Variants in NBEA observed in about 807,000 individuals in gnomAD.
The protein encoded by NBEA is lysosomal-trafficking regulator 2.
Under a neutral mutation model 343.4 loss-of-function variants are expected in NBEA, and 44 were observed. That is an observed-to-expected ratio of 0.13 (90% CI 0.10 to 0.16). The LOEUF is 0.16. NBEA is among the 10% of genes least tolerant of loss of function. The pLI, the probability that NBEA is intolerant of heterozygous loss-of-function variation, is 1.00. For missense variants in NBEA, 2,555 were observed against 3,631.3 expected, an observed-to-expected ratio of 0.70 and a Z score of 7.62; for synonymous variants, 1,175 against 1,238.7, an observed-to-expected ratio of 0.95 and a Z score of 1.08.
chr13:35,193,819 A>C (rs1365324724), intron 30 of NBEA, among the ~76,000 whole-genome samples: 1 of 151,930 alleles, frequency 6.6e-6, no homozygotes, highest in African/African-American at 2.4e-5. Flanking sequence ...TCTTTGACCA[A>C]ACTAACAAAT....
chr13:35,173,122 T>TA (rs5802752), intron 26 of NBEA, among the ~76,000 whole-genome samples: 139,422 of 152,100 alleles, frequency 0.92, 64,034 homozygotes, highest in Admixed American at 0.96. Context: ...ATTTTATGTT[T>TA]AAAATATTTT....
At chr13:35,031,139 C>A (rs1465310944) in intron 1 of NBEA, among the ~76,000 whole-genome samples, 2 of 151,632 alleles carry the variant, frequency 1.3e-5, no homozygotes, top group African/African-American at 4.8e-5. Context: ...TAGGCATAAA[C>A]CTCATTATCG....
intron 36 of NBEA, among the ~76,000 whole-genome samples, chr13:35,322,370 T>G (rs563328178): frequency 6.5e-4 from 99 of 152,308 alleles, no homozygotes; most frequent in South Asian, 3.9e-3. Context: ...TGACCCCTTG[T>G]GCTTCCCAGG....
At chr13:35,531,917 G>A (rs2078282844) in intron 41 of NBEA, among the ~76,000 whole-genome samples, 1 of 152,108 alleles carries the variant, frequency 6.6e-6, no homozygotes, top group Non-Finnish European at 1.5e-5. Flanking sequence ...TTTGCCATAT[G>A]TAAAAGCAAA....
intron 10 of NBEA, among the ~76,000 whole-genome samples, chr13:35,086,908 T>C (rs188156300): frequency 1.9e-4 from 29 of 152,030 alleles, no homozygotes; most frequent in Non-Finnish European, 2.8e-4. Flanking sequence ...TCATGTTGAA[T>C]ATTTTTTCAT....
intron 40 of NBEA, among the ~76,000 whole-genome samples, chr13:35,460,236 C>T (rs1199185058): frequency 6.6e-6 from 1 of 152,188 alleles, no homozygotes; most frequent in Admixed American, 6.5e-5. Flanking sequence ...GTCCCTGACT[C>T]ACTCACACTT....
At chr13:35,375,480 T>A (rs1323950465) in intron 38 of NBEA, among the ~76,000 whole-genome samples, 2 of 152,120 alleles carry the variant, frequency 1.3e-5, no homozygotes, top group African/African-American at 4.8e-5. Flanking sequence ...AATAATATTA[T>A]ATCAATCCTC....
At chr13:34,967,756 G>A (rs1460194589) in intron 1 of NBEA, among the ~76,000 whole-genome samples, 2 of 152,042 alleles carry the variant, frequency 1.3e-5, no homozygotes, top group Non-Finnish European at 2.9e-5. Context: ...TGGAAAGGCA[G>A]CCATGTAAAT....
At chr13:35,340,132 T>G (rs189113447) in intron 36 of NBEA, among the ~76,000 whole-genome samples, 21 of 152,224 alleles carry the variant, frequency 1.4e-4, no homozygotes, top group Admixed American at 1.2e-3. Flanking sequence ...CTGCTTATGT[T>G]GCCAAAAGAT....
At chr13:35,253,432 A>G (rs1269808535) in intron 34 of NBEA, among the ~76,000 whole-genome samples, 4 of 152,236 alleles carry the variant, frequency 2.6e-5, no homozygotes, top group Non-Finnish European at 4.4e-5. Flanking sequence ...AGTAGATTAT[A>G]GTATAGTGTA....
At position 35,459,520 on chromosome 13, in the gene NBEA, G is replaced by A. The variant is rs9565303; in HGVS notation, c.6448+7285G>A. Reference sequence around the variant, plus strand: ...AAAAAAAAAGTCCTCAAGAGAATTAGCTCTGCTACCACTACCTCTGGGTAA... The same window carrying A: ...AAAAAAAAAGTCCTCAAGAGAATTAACTCTGCTACCACTACCTCTGGGTAA... On this transcript the variant is annotated intron_variant, in intron 40 of 58. Transcript: ENST00000379939. Among the ~76,000 whole-genome samples the A allele has an allele frequency of 3.3e-5, 5 of 151,646 alleles. No homozygotes were observed. In the East Asian group the frequency reaches 9.7e-4, roughly 29 times the overall value.
intron 36 of NBEA, among the ~76,000 whole-genome samples, chr13:35,310,933 A>G (rs533499155): frequency 2.6e-5 from 4 of 152,190 alleles, no homozygotes; most frequent in Non-Finnish European, 4.4e-5. Context: ...TTCATTTTTT[A>G]TCACTGTATT....
At chr13:35,057,500 A>G (rs1281021842) in intron 7 of NBEA, among the ~76,000 whole-genome samples, 1 of 152,178 alleles carries the variant, frequency 6.6e-6, no homozygotes, top group Admixed American at 6.6e-5. Context: ...CAGGTGTGGC[A>G]GGCAAAGTTT....
intron 41 of NBEA, among the ~76,000 whole-genome samples, chr13:35,478,736 G>T (rs902655001): frequency 8.5e-5 from 13 of 152,220 alleles, no homozygotes; most frequent in Non-Finnish European, 1.8e-4. Context: ...CCCCAGCCGC[G>T]GGCCCCTGCG....
At chr13:35,141,119 A>G (rs1409257077) in intron 17 of NBEA, among the ~76,000 whole-genome samples, 3 of 152,198 alleles carry the variant, frequency 2.0e-5, no homozygotes, top group Non-Finnish European at 4.4e-5. Flanking sequence ...TGTAATACAG[A>G]TGTGGACCAA....
chr13:35,459,909 T>G (rs1221528430), intron 40 of NBEA, among the ~76,000 whole-genome samples: 1 of 152,210 alleles, frequency 6.6e-6, no homozygotes, highest in Non-Finnish European at 1.5e-5. Context: ...ACTGGAATAC[T>G]TACTATGGGA....
chr13:35,528,574 T>C (rs1365901178), intron 41 of NBEA, among the ~76,000 whole-genome samples: 2 of 152,248 alleles, frequency 1.3e-5, no homozygotes, highest in African/African-American at 4.8e-5. Context: ...AATTTGTTTC[T>C]TTAAGTGAAA....
chr13:35,251,890 A>T (rs2032012547), intron 34 of NBEA: 1 of 153,670 alleles, frequency 6.5e-6, no homozygotes, highest in African/African-American at 2.4e-5. Context: ...GATGATTGTT[A>T]ACACCAGCCT....
intron 38 of NBEA, among the ~76,000 whole-genome samples, chr13:35,370,417 G>T (rs1045431626): frequency 6.6e-6 from 1 of 151,734 alleles, no homozygotes; most frequent in Admixed American, 6.6e-5. Context: ...TTTTTAGTCT[G>T]TATGTGTCTT....
Sources: allele counts gnomAD v4.1 joint callset (sites outside exome capture counted in the v4.1 genomes callset), GRCh38; gene constraint gnomAD v4.1.1; transcripts MANE v1.5; gene names NCBI Gene and HGNC (gene_info 2026-07-23, HGNC 2026-07-21).